Variants in RBM33 observed in about 807,000 individuals in gnomAD.
RBM33 encodes the protein RNA-binding protein 33.
A neutral mutation model predicts 132.6 loss-of-function variants in RBM33; 28 were observed. That is an observed-to-expected ratio of 0.21 (90% CI 0.16 to 0.29). The LOEUF is 0.29. Ranked by LOEUF, RBM33 falls within the 10% of genes least tolerant of loss-of-function variation. The probability of loss-of-function intolerance (pLI) is 1.00; values close to 1 mark genes in which losing one functional copy is unlikely to be tolerated. For missense variants in RBM33, 1,291 were observed against 1,518.5 expected, an observed-to-expected ratio of 0.85 and a Z score of 2.49; for synonymous variants, 634 against 593.0, an observed-to-expected ratio of 1.07 and a Z score of -1.01.
intron 3 of RBM33, among the ~76,000 whole-genome samples, chr7:155,673,940 G>GTTGTTGTTGTTTTTTTGT: frequency 1.8e-5 from 1 of 54,214 alleles, no homozygotes; most frequent in African/African-American, 8.3e-5. Flanking sequence ...TTTAGGCTTA[G>GTTGTTGTTGTTTTTTTGT]TTTTTTTTTT....
At chr7:155,718,718 G>A (rs527574394) in intron 9 of RBM33, among the ~76,000 whole-genome samples, 81 of 152,238 alleles carry the variant, frequency 5.3e-4, no homozygotes, top group Non-Finnish European at 9.1e-4. Context: ...TTTTATTATT[G>A]CCTTATGTTA....
intron 1 of RBM33, among the ~76,000 whole-genome samples, chr7:155,649,714 C>T (rs1428972552): frequency 6.6e-6 from 1 of 152,124 alleles, no homozygotes; most frequent in Non-Finnish European, 1.5e-5. Context: ...CCTGTGGTCA[C>T]TGATGTCTCC....
intron 14 of RBM33, among the ~76,000 whole-genome samples, chr7:155,749,830 A>G (rs528088729): frequency 7.9e-5 from 12 of 152,360 alleles, no homozygotes; most frequent in African/African-American, 2.6e-4. Context: ...TGTCCTGGTT[A>G]AGAATAGCCA....
intron 6 of RBM33, among the ~76,000 whole-genome samples, chr7:155,703,993 A>G (rs1254515595): frequency 6.6e-6 from 1 of 152,106 alleles, no homozygotes; most frequent in Non-Finnish European, 1.5e-5. Flanking sequence ...AGAACACTTC[A>G]TTCTTTAAGA....
At chr7:155,750,270 T>C (rs1294268911) in intron 14 of RBM33, among the ~76,000 whole-genome samples, 1 of 152,252 alleles carries the variant, frequency 6.6e-6, no homozygotes, top group Non-Finnish European at 1.5e-5. Flanking sequence ...ACAACCTTGT[T>C]ACATTATAAT....
chr7:155,700,494 A>C (rs1263674274), intron 5 of RBM33, among the ~76,000 whole-genome samples: 1 of 150,612 alleles, frequency 6.6e-6, no homozygotes, highest in Non-Finnish European at 1.5e-5. Context: ...CAGACGTGTA[A>C]GCAGCAATGA....
At position 155,716,692 on chromosome 7, in the gene RBM33, CT is replaced by C. The variant is rs540834920; in HGVS notation, c.1202-1690del. On this transcript the variant is annotated intron_variant, in intron 8 of 17. Coordinates refer to ENST00000401878, the MANE Select transcript of RBM33 (RefSeq NM_053043.3). ...AGGTCAGAGATATTCTTGTTTTTTT[CT>C]TTCTCCACTTTCTCCAGTCTAGTGT... is the stretch of plus-strand genomic sequence containing the variant. Among the ~76,000 whole-genome samples, 441 of 151,904 alleles carry C rather than the reference CT, an allele frequency of 2.9e-3. 5 individuals carry two copies. The highest frequency in any genetic ancestry group is 0.01 in the African/African-American group (420 of 41,466).
At position 155,707,001 on chromosome 7, in the gene RBM33, A is replaced by G. The variant is rs1307662631; in HGVS notation, c.881A>G (p.Glu294Gly). The G allele has an allele frequency of 1.3e-6, 2 of 1,586,484 alleles. No individual in the cohort carries two copies. Among genetic ancestry groups the G allele is most frequent in the Non-Finnish European group, 1.7e-6 (2 of 1,166,410 alleles). Residue 294 changes from glutamate to glycine, a missense_variant, in exon 7 of 18, where the codon GAG (glutamate) becomes GGG (glycine). Glu to Gly is a moderately conservative substitution (Grantham distance 98). Around this residue, in one of 7 missense-constraint regions of RBM33, gnomAD observed 146 missense variants for 137.1 expected, o/e 1.07. Transcript: ENST00000401878. Reference protein sequence around the residue: ...MCRGVGDQRRESTERGRMKDH... With the variant: ...MCRGVGDQRRGSTERGRMKDH... ...CGTGGTGTGGGGGACCAGAGGAGAG[A>G]GAGCACCGAGAGGGGCAGGATGAAG...
intron 5 of RBM33, among the ~76,000 whole-genome samples, chr7:155,683,797 G>A (rs1799400323): frequency 6.6e-6 from 1 of 152,132 alleles, no homozygotes; most frequent in South Asian, 2.1e-4. Flanking sequence ...GTTTATTTAA[G>A]GCCTTTAAAG....
intron 5 of RBM33, among the ~76,000 whole-genome samples, chr7:155,687,001 G>A (rs1318474550): frequency 6.6e-6 from 1 of 152,150 alleles, no homozygotes; most frequent in African/African-American, 2.4e-5. Flanking sequence ...ACCCAGTAAT[G>A]GGATGGCTGG....
At chr7:155,754,775 G>C (rs991038212) in intron 14 of RBM33, among the ~76,000 whole-genome samples, 3 of 152,250 alleles carry the variant, frequency 2.0e-5, no homozygotes, top group Non-Finnish European at 4.4e-5. Flanking sequence ...AAAGTCAAAT[G>C]CATGTGCTAA....
chr7:155,700,805 C>T lies in RBM33; in HGVS notation c.600C>T (p.Asp200=), dbSNP rs143834128. 6.6e-3 allele frequency: 10,417 copies of T among 1,580,440 alleles called. 50 individuals are homozygous for T. The highest frequency in any genetic ancestry group is 8.3e-3 in the Non-Finnish European group (9,646 of 1,162,336). ...GGMETLELQK[D]IKEESDEEEE... ...TGGAAACATTGGAACTTCAAAAGGA[C>T]ATCAAAGAAGAATCAGATGAAGAAG... is the stretch of plus-strand genomic sequence containing the variant. Residue 200 remains aspartate (D), a synonymous_variant, in exon 6 of 18, where the codon GAC becomes GAT. Coordinates refer to ENST00000401878, the MANE Select transcript of RBM33 (RefSeq NM_053043.3).
At chr7:155,711,591 C>G (rs1800301079) in intron 8 of RBM33, 136 bp downstream of exon 8, 1 of 536,796 alleles carries the variant, frequency 1.9e-6, no homozygotes, top group Non-Finnish European at 3.0e-6. Context: ...AATCATCGTT[C>G]GAATGTTGAG....
At chr7:155,716,330 TTTA>T (rs1800462709) in intron 8 of RBM33, among the ~76,000 whole-genome samples, 1 of 149,840 alleles carries the variant, frequency 6.7e-6, no homozygotes, top group African/African-American at 2.5e-5. Flanking sequence ...TTTTTTTTTT[TTTA>T]AATAGGGAAA....
chr7:155,705,641 T>C lies in RBM33; in HGVS notation c.740-1219T>C, dbSNP rs74859776. On this transcript the variant is annotated intron_variant, in intron 6 of 17. Transcript: ENST00000401878. ...CAGGAGAAGGTGTCTTGGTATAATGTACTCAGTGACATTTTTAGAAAATGT... is the reference window on the plus strand; with the variant it reads ...CAGGAGAAGGTGTCTTGGTATAATGCACTCAGTGACATTTTTAGAAAATGT... 4.3e-3 allele frequency among the ~76,000 whole-genome samples: 653 copies of C among 152,354 alleles called. 6 individuals carry two copies. The highest frequency in any genetic ancestry group is 0.015 in the African/African-American group (620 of 41,576).
At chr7:155,771,623 C>T (rs1802428979) in intron 16 of RBM33, among the ~76,000 whole-genome samples, 1 of 152,190 alleles carries the variant, frequency 6.6e-6, no homozygotes, top group Non-Finnish European at 1.5e-5. Context: ...CAGCCTGATA[C>T]CCTCATTTCA....
intron 2 of RBM33, 92 bp downstream of exon 2, chr7:155,665,345 C>G (rs974420127): frequency 1.8e-6 from 2 of 1,102,566 alleles, no homozygotes; most frequent in Non-Finnish European, 2.8e-6. Context: ...AACGCAGCAC[C>G]TTGACTACCT....
At chr7:155,772,762 C>G (rs897968317) in intron 16 of RBM33, among the ~76,000 whole-genome samples, 5 of 152,200 alleles carry the variant, frequency 3.3e-5, no homozygotes, top group African/African-American at 1.2e-4. Flanking sequence ...TCAGTGATGT[C>G]CCTAGACCAG....
chr7:155,760,818 T>A (rs549091233), intron 14 of RBM33, among the ~76,000 whole-genome samples: 1 of 152,324 alleles, frequency 6.6e-6, no homozygotes, highest in African/African-American at 2.4e-5. Context: ...TACTCACACC[T>A]TGGGTAGAAG....
Sources: gnomAD v4.1 joint callset for allele counts (sites outside exome capture counted in the v4.1 genomes callset) on GRCh38, gnomAD v4.1.1 for gene constraint, gnomAD v4.1.1 regional missense constraint, MANE v1.5 for transcripts, NCBI Gene and HGNC (gene_info 2026-07-23, HGNC 2026-07-21) for gene names.